KIAA1217: variants seen among roughly 807,000 people sequenced by gnomAD.
The protein encoded by KIAA1217 is KIAA1217.
A neutral mutation model predicts 163.9 loss-of-function variants in KIAA1217; 88 were observed. That is an observed-to-expected ratio of 0.54 (90% CI 0.45 to 0.64). The LOEUF (loss-of-function observed/expected upper bound fraction) is 0.64. Among genes scored for constraint, KIAA1217 ranks in the 30% least tolerant of loss-of-function variants. KIAA1217 has a pLI of 0.00. For synonymous variants in KIAA1217, 903 were observed against 923.1 expected, an observed-to-expected ratio of 0.98 and a Z score of 0.39; for missense variants, 2,372 against 2,475.0, an observed-to-expected ratio of 0.96 and a Z score of 0.88.
intron 1 of KIAA1217, among the ~76,000 whole-genome samples, chr10:23,960,239 G>A (rs1353703441): frequency 1.3e-5 from 2 of 151,862 alleles, no homozygotes; most frequent in Admixed American, 1.3e-4. Flanking sequence ...GCTTCCTGCA[G>A]GGGAGAAGGG....
intron 2 of KIAA1217, among the ~76,000 whole-genome samples, chr10:24,086,045 C>G (rs900803821): frequency 1.3e-5 from 2 of 152,156 alleles, no homozygotes; most frequent in South Asian, 4.2e-4. Context: ...CACTACACAC[C>G]CCCACCACAC....
chr10:24,321,330 A>G (rs1406666423), intron 2 of KIAA1217, among the ~76,000 whole-genome samples: 1 of 151,968 alleles, frequency 6.6e-6, no homozygotes, highest in African/African-American at 2.4e-5. Flanking sequence ...CGTGAGGTCA[A>G]GAGTTCGAGA....
intron 1 of KIAA1217, among the ~76,000 whole-genome samples, chr10:23,704,168 GTGTGTATA>G (rs1183502739): frequency 2.0e-3 from 129 of 63,256 alleles, no homozygotes; most frequent in Non-Finnish European, 2.7e-3. Context: ...GTGTGTGTGT[GTGTGTATA>G]TATATATATA....
intron 2 of KIAA1217, among the ~76,000 whole-genome samples, chr10:24,067,324 ATGGATGTCCTTTC>A (rs2060992200): frequency 6.6e-6 from 1 of 152,016 alleles, no homozygotes; most frequent in Admixed American, 6.6e-5. Context: ...GGTTTTTGGT[ATGGATGTCCTTTC>A]TGTTTGTTAG....
intron 2 of KIAA1217, among the ~76,000 whole-genome samples, chr10:24,175,088 C>T (rs533233037): frequency 6.6e-6 from 1 of 152,208 alleles, no homozygotes; most frequent in South Asian, 2.1e-4. Context: ...TCTCAAACTC[C>T]TGACCTCAGG....
intron 2 of KIAA1217, among the ~76,000 whole-genome samples, chr10:24,027,681 T>A (rs917921582): frequency 4.6e-5 from 7 of 152,126 alleles, no homozygotes; most frequent in Non-Finnish European, 8.8e-5. Context: ...GAAAACTCAA[T>A]AGTGTAAAAT....
At chr10:23,988,053 T>TA (rs150978859) in intron 1 of KIAA1217, among the ~76,000 whole-genome samples, 30,887 of 151,930 alleles carry the variant, frequency 0.2, 3,440 homozygotes, top group Middle Eastern at 0.3. Flanking sequence ...TATTTTTTTT[T>TA]AAAAAGCAGC....
chr10:24,237,043 G>A (rs2072380566), intron 2 of KIAA1217, among the ~76,000 whole-genome samples: 1 of 152,194 alleles, frequency 6.6e-6, no homozygotes, highest in Non-Finnish European at 1.5e-5. Flanking sequence ...AGGTACCCAT[G>A]ATGTTGCTAA....
At chr10:24,200,827 G>T (rs1051566503) in intron 2 of KIAA1217, among the ~76,000 whole-genome samples, 4 of 152,032 alleles carry the variant, frequency 2.6e-5, no homozygotes, top group African/African-American at 4.8e-5. Flanking sequence ...TCTCAGAAGG[G>T]GCCTGTGAGC....
chr10:24,244,772 C>T (rs2073572690), intron 2 of KIAA1217, among the ~76,000 whole-genome samples: 2 of 151,814 alleles, frequency 1.3e-5, no homozygotes, highest in Admixed American at 6.6e-5. Context: ...GCCGTGTTAC[C>T]CAGGCTGATC....
chr10:24,416,067 T>C (rs1359290365), intron 3 of KIAA1217, among the ~76,000 whole-genome samples: 2 of 152,140 alleles, frequency 1.3e-5, no homozygotes, highest in African/African-American at 2.4e-5. Context: ...AGGGCAGCTG[T>C]ACCCTGTTAC....
chr10:24,411,930 A>G lies in KIAA1217; in HGVS notation c.554-21065A>G, dbSNP rs369843756. Among the ~76,000 whole-genome samples the G allele has an allele frequency of 3.9e-5, 6 of 152,292 alleles. No individual in the cohort carries two copies. The East Asian group carries it at 1.2e-3, about 29-fold the overall frequency. ...GGAATTGATGCTTTTGATTCCAGCC[A>G]AGCATACCACCGAGGTCACAGAGGT... is the stretch of plus-strand genomic sequence containing the variant. On this transcript the variant is annotated intron_variant, in intron 3 of 20. Coordinates refer to ENST00000376454, the MANE Select transcript of KIAA1217 (RefSeq NM_019590.5).
intron 2 of KIAA1217, among the ~76,000 whole-genome samples, chr10:24,131,613 T>A (rs1043894962): frequency 4.6e-5 from 7 of 152,248 alleles, no homozygotes; most frequent in Admixed American, 2.0e-4. Flanking sequence ...CCATAACAAT[T>A]TTCTAATTAA....
chr10:24,510,975 A>G (rs2069040367), intron 9 of KIAA1217, among the ~76,000 whole-genome samples: 2 of 151,964 alleles, frequency 1.3e-5, no homozygotes, highest in African/African-American at 2.4e-5. Flanking sequence ...AATATGCCAG[A>G]CACAGTGTAC....
chr10:23,831,912 G>A (rs1838221301), intron 1 of KIAA1217, among the ~76,000 whole-genome samples: 2 of 152,104 alleles, frequency 1.3e-5, no homozygotes, highest in Admixed American at 1.3e-4. Flanking sequence ...TTGAGAGATA[G>A]GAAAAAGCAA....
chr10:24,042,378 A>G (rs991778752), intron 2 of KIAA1217: 8 of 151,878 alleles, frequency 5.3e-5, no homozygotes, highest in Non-Finnish European at 8.8e-5. Flanking sequence ...CAGCAAACAG[A>G]AAAAAAACAG....
chr10:23,907,672 A>G (rs1842226400), intron 1 of KIAA1217, among the ~76,000 whole-genome samples: 1 of 152,034 alleles, frequency 6.6e-6, no homozygotes, highest in South Asian at 2.1e-4. Flanking sequence ...GGGTTGGACG[A>G]TGCCCACATT....
intron 1 of KIAA1217, among the ~76,000 whole-genome samples, chr10:23,766,397 A>G (rs1834516363): frequency 6.6e-6 from 1 of 152,228 alleles, no homozygotes; most frequent in South Asian, 2.1e-4. Context: ...ACTTAACAGC[A>G]AAGAACAATA....
At chr10:23,728,760 G>C (rs926220704) in intron 1 of KIAA1217, among the ~76,000 whole-genome samples, 1 of 152,132 alleles carries the variant, frequency 6.6e-6, no homozygotes, top group African/African-American at 2.4e-5. Flanking sequence ...ACTTTTTTTA[G>C]AGCAGTTTTA....
Sources: gnomAD v4.1 joint callset for allele counts (sites outside exome capture counted in the v4.1 genomes callset) on GRCh38, gnomAD v4.1.1 for gene constraint, MANE v1.5 for transcripts, NCBI Gene and HGNC (gene_info 2026-07-23, HGNC 2026-07-21) for gene names.